NRP1: variants seen among roughly 807,000 people sequenced by gnomAD.
The protein encoded by NRP1 is neuropilin-1.
Under a neutral mutation model 106.7 loss-of-function variants are expected in NRP1, and 35 were observed. The ratio of observed to expected loss-of-function variants is 0.33; its 90% CI spans 0.25 to 0.43. The LOEUF is 0.43. Among genes scored for constraint, NRP1 ranks in the 20% least tolerant of loss-of-function variants. The probability of loss-of-function intolerance (pLI) is 1.00; values close to 1 mark genes in which losing one functional copy is unlikely to be tolerated. For synonymous variants in NRP1, 437 were observed against 417.9 expected (o/e 1.05, Z -0.56); for missense variants, 1,024 against 1,170.4 (o/e 0.87, Z 1.83).
chr10:33,290,330 T>A (rs2132623136), intron 2 of NRP1, among the ~76,000 whole-genome samples: 1 of 151,058 alleles, frequency 6.6e-6, no homozygotes, highest in Middle Eastern at 3.4e-3. Context: ...TCATTTTGTG[T>A]GTCTTTGTTA....
intron 8 of NRP1, among the ~76,000 whole-genome samples, chr10:33,220,650 C>T (rs188266642): frequency 6.6e-6 from 1 of 152,270 alleles, no homozygotes; most frequent in Non-Finnish European, 1.5e-5. Flanking sequence ...AATCCCAGCA[C>T]TTTGGGGAGG....
chr10:33,270,606 G>T, intron 3 of NRP1, 69 bp downstream of exon 3: 3 of 1,374,190 alleles, frequency 2.2e-6, no homozygotes, highest in South Asian at 3.0e-5. Flanking sequence ...AGATTACAGG[G>T]GTGAGCCACC....
chr10:33,300,878 T>C (rs1845754834), intron 2 of NRP1, among the ~76,000 whole-genome samples: 1 of 152,262 alleles, frequency 6.6e-6, no homozygotes, highest in East Asian at 1.9e-4. Flanking sequence ...CTCCCTAAAA[T>C]GTATTAAAGC....
chr10:33,217,023 T>G (rs1588747913), intron 8 of NRP1, among the ~76,000 whole-genome samples: 1 of 152,248 alleles, frequency 6.6e-6, no homozygotes, highest in African/African-American at 2.4e-5. Context: ...CAGTCGGGAT[T>G]AAAAAAAGAT....
chr10:33,294,691 T>C (rs1845256658), intron 2 of NRP1, among the ~76,000 whole-genome samples: 1 of 151,424 alleles, frequency 6.6e-6, no homozygotes, highest in African/African-American at 2.4e-5. Flanking sequence ...AGTAAGTATC[T>C]CAAAGTTAAT....
chr10:33,246,235 TA>T (rs374407709), intron 6 of NRP1, among the ~76,000 whole-genome samples: 9,160 of 144,682 alleles, frequency 0.063, 851 homozygotes, highest in African/African-American at 0.21. Flanking sequence ...ATACCCTCCT[TA>T]AAAAAAAAAA....
chr10:33,259,300 T>C (rs1842415657), intron 4 of NRP1, among the ~76,000 whole-genome samples: 1 of 152,180 alleles, frequency 6.6e-6, no homozygotes, highest in Non-Finnish European at 1.5e-5. Flanking sequence ...CGTGCCACTC[T>C]CTTTAGGAGC....
At chr10:33,285,308 T>C (rs1844438786) in intron 2 of NRP1, among the ~76,000 whole-genome samples, 1 of 152,144 alleles carries the variant, frequency 6.6e-6, no homozygotes, top group African/African-American at 2.4e-5. Flanking sequence ...GAAGATATAA[T>C]AGACCAAGGT....
At chr10:33,249,314 T>C (rs1841671786) in intron 6 of NRP1, 2 of 360,474 alleles carry the variant, frequency 5.5e-6, no homozygotes, top group South Asian at 2.2e-5. Flanking sequence ...CCCTAGAAGA[T>C]GCAGTACACT....
intron 2 of NRP1, among the ~76,000 whole-genome samples, chr10:33,282,191 T>A (rs1844188514): frequency 6.6e-6 from 1 of 152,030 alleles, no homozygotes; most frequent in African/African-American, 2.4e-5. Context: ...ACCGATTTAA[T>A]GAAGTGCAGT....
chr10:33,286,473 G>A (rs1425115684), intron 2 of NRP1, among the ~76,000 whole-genome samples: 1 of 151,878 alleles, frequency 6.6e-6, no homozygotes, highest in African/African-American at 2.4e-5. Flanking sequence ...AGAGTCTTGT[G>A]ATGAGAATGA....
chr10:33,264,613 G>A (rs1317936081), intron 3 of NRP1, among the ~76,000 whole-genome samples: 1 of 152,156 alleles, frequency 6.6e-6, no homozygotes, highest in African/African-American at 2.4e-5. Context: ...GTGTGTGTGT[G>A]TAATGCATAT....
chr10:33,276,665 T>G (rs889710772), intron 2 of NRP1, among the ~76,000 whole-genome samples: 5 of 152,208 alleles, frequency 3.3e-5, no homozygotes, highest in Non-Finnish European at 7.3e-5. Flanking sequence ...CTCCCTTTCA[T>G]ATTTTTTGTG....
At position 33,178,944 on chromosome 10, in the gene NRP1, A is replaced by AAC. The variant is rs1835517790; in HGVS notation, c.*1131_*1132insGT. ...ATCGTTTGCCATTCCCAGCAGGTTA[A>AAC]AGCTGCAAGTTTCTTTCCTGGACAA... On this transcript the variant is annotated 3_prime_UTR_variant, in exon 17 of 17. Transcript: ENST00000374867. 1 of 152,666 alleles carries AAC rather than the reference A, an allele frequency of 6.6e-6. No homozygotes were observed. The highest frequency in any genetic ancestry group is 2.1e-4 in the South Asian group (1 of 4,830). 9.5% of individuals were successfully genotyped at this position (152,666 alleles called of 1,614,324 possible).
chr10:33,301,328 A>T (rs1845787452), intron 2 of NRP1, among the ~76,000 whole-genome samples: 1 of 152,180 alleles, frequency 6.6e-6, no homozygotes, highest in South Asian at 2.1e-4. Context: ...TTTGGAGTGG[A>T]ATTTTCATAA....
chr10:33,306,355 G>GGGGTGTGTGTGTGTGT (rs1554808824), intron 2 of NRP1, among the ~76,000 whole-genome samples: 1 of 148,026 alleles, frequency 6.8e-6, no homozygotes, highest in Non-Finnish European at 1.5e-5. Context: ...GGGTCAGAAG[G>GGGGTGTGTGTGTGTGT]GTGTGTGTGT....
chr10:33,205,307 G>A (rs1837680558), intron 10 of NRP1: 2 of 152,160 alleles, frequency 1.3e-5, no homozygotes, highest in African/African-American at 2.4e-5. Context: ...GTGAGTGCTT[G>A]GAAACATCTG....
At chr10:33,190,792 A>ATG (rs149133785) in intron 13 of NRP1, among the ~76,000 whole-genome samples, 23 of 151,072 alleles carry the variant, frequency 1.5e-4, no homozygotes, top group Non-Finnish European at 2.4e-4. Flanking sequence ...GTGTGTGTGT[A>ATG]TGTGTGTGTG....
chr10:33,205,895 A>G (rs1837735789), intron 10 of NRP1: 1 of 199,092 alleles, frequency 5.0e-6, no homozygotes. Flanking sequence ...TGCGAAGGCA[A>G]TCTAGTCCCC....
Sources: gnomAD v4.1 joint callset for allele counts (sites outside exome capture counted in the v4.1 genomes callset) on GRCh38, gnomAD v4.1.1 for gene constraint, MANE v1.5 for transcripts, NCBI Gene and HGNC (gene_info 2026-07-23, HGNC 2026-07-21) for gene names.